Variants in RNGTT observed in about 807,000 individuals in gnomAD.
RNGTT encodes RNA guanylyltransferase and 5'-phosphatase.
In RNGTT, 33 loss-of-function variants were observed where a neutral mutation model predicts 79.3. The ratio of observed to expected loss-of-function variants is 0.42; its 90% CI spans 0.32 to 0.56. The LOEUF (loss-of-function observed/expected upper bound fraction) is 0.56. RNGTT is among the 20% of genes least tolerant of loss of function. The probability of loss-of-function intolerance (pLI) is 0.17; values close to 1 mark genes in which losing one functional copy is unlikely to be tolerated. For synonymous variants in RNGTT, 222 were observed against 235.9 expected, an observed-to-expected ratio of 0.94 and a Z score of 0.54; for missense variants, 497 against 739.1, an observed-to-expected ratio of 0.67 and a Z score of 3.80.
chr6:88,648,496 A>AT (rs1338803043), intron 14 of RNGTT, among the ~76,000 whole-genome samples: 7,578 of 117,240 alleles, frequency 0.065, 643 homozygotes, highest in African/African-American at 0.23. Context: ...AATAATAATA[A>AT]AAAATTCTAA....
intron 11 of RNGTT, among the ~76,000 whole-genome samples, chr6:88,828,942 G>C (rs1253133642): frequency 1.3e-5 from 2 of 152,062 alleles, no homozygotes; most frequent in Non-Finnish European, 1.5e-5. Context: ...AGGGAGAATG[G>C]AACCAAGATG....
At chr6:88,822,671 A>G (rs772340267) in intron 11 of RNGTT, among the ~76,000 whole-genome samples, 2 of 152,234 alleles carry the variant, frequency 1.3e-5, no homozygotes, top group Non-Finnish European at 2.9e-5. Flanking sequence ...CCGTCGTTCC[A>G]GGCATTTGCA....
At chr6:88,688,895 G>A (rs1344464483) in intron 13 of RNGTT, among the ~76,000 whole-genome samples, 1 of 152,034 alleles carries the variant, frequency 6.6e-6, no homozygotes, top group Non-Finnish European at 1.5e-5. Flanking sequence ...CTAATGAATA[G>A]CATATTTATT....
At chr6:88,863,413 G>A (rs1363411424) in intron 8 of RNGTT, among the ~76,000 whole-genome samples, 1 of 152,120 alleles carries the variant, frequency 6.6e-6, no homozygotes, top group East Asian at 1.9e-4. Context: ...TAGAAAAGTC[G>A]ACAGTCAAAA....
At chr6:88,793,022 G>A (rs1408959023) in intron 12 of RNGTT, among the ~76,000 whole-genome samples, 3 of 152,116 alleles carry the variant, frequency 2.0e-5, no homozygotes, top group Non-Finnish European at 4.4e-5. Flanking sequence ...ACTAGGATGG[G>A]TAGACATGTG....
chr6:88,829,251 C>T (rs1780769891), intron 11 of RNGTT, among the ~76,000 whole-genome samples: 1 of 152,136 alleles, frequency 6.6e-6, no homozygotes, highest in Non-Finnish European at 1.5e-5. Context: ...AATTTTCAAC[C>T]CAGAATTTCA....
intron 15 of RNGTT, among the ~76,000 whole-genome samples, chr6:88,613,251 T>C (rs1277923409): frequency 6.6e-6 from 1 of 152,232 alleles, no homozygotes; most frequent in African/African-American, 2.4e-5. Flanking sequence ...CTATAGTCCT[T>C]CAATCTTTCT....
At chr6:88,731,993 G>A (rs769108349) in intron 13 of RNGTT, among the ~76,000 whole-genome samples, 1 of 152,128 alleles carries the variant, frequency 6.6e-6, no homozygotes, top group Non-Finnish European at 1.5e-5. Context: ...CTAAGTGGAA[G>A]TGAGTCATCA....
chr6:88,887,515 A>T (rs1455574594), intron 8 of RNGTT, among the ~76,000 whole-genome samples: 1 of 152,162 alleles, frequency 6.6e-6, no homozygotes, highest in African/African-American at 2.4e-5. Flanking sequence ...AGTATCCTAA[A>T]ACAGAGTAGG....
chr6:88,866,410 C>A (rs764396977), intron 8 of RNGTT, among the ~76,000 whole-genome samples: 4 of 152,136 alleles, frequency 2.6e-5, no homozygotes, highest in Non-Finnish European at 5.9e-5. Flanking sequence ...AGTATTCATA[C>A]AGGCACTACC....
chr6:88,916,706 C>A (rs1784010719), intron 4 of RNGTT, among the ~76,000 whole-genome samples: 1 of 151,878 alleles, frequency 6.6e-6, no homozygotes, highest in African/African-American at 2.4e-5. Flanking sequence ...AAATATATGC[C>A]AAAAAAATCA....
intron 11 of RNGTT, among the ~76,000 whole-genome samples, chr6:88,838,037 C>T (rs753009369): frequency 3.3e-5 from 5 of 152,044 alleles, no homozygotes; most frequent in African/African-American, 7.2e-5. Flanking sequence ...AAAATTATTG[C>T]AAGCAATAAC....
At chr6:88,754,760 CA>C (rs1410764983) in intron 13 of RNGTT, among the ~76,000 whole-genome samples, 3 of 152,228 alleles carry the variant, frequency 2.0e-5, no homozygotes, top group African/African-American at 7.2e-5. Flanking sequence ...AAACCACAAA[CA>C]ATATCATGAG....
intron 12 of RNGTT, among the ~76,000 whole-genome samples, chr6:88,773,452 CTAAAACT>C (rs1280045565): frequency 6.7e-6 from 1 of 148,272 alleles, no homozygotes; most frequent in Non-Finnish European, 1.5e-5. Context: ...CACATGTACC[CTAAAACT>C]TAAAGTATAA....
chr6:88,825,599 A>T (rs976666821), intron 11 of RNGTT, among the ~76,000 whole-genome samples: 45 of 152,174 alleles, frequency 3.0e-4, no homozygotes, highest in East Asian at 7.7e-4. Flanking sequence ...ATATTTTTTT[A>T]AAAATGTTTA....
At chr6:88,845,420 G>A (rs990648443) in intron 10 of RNGTT, among the ~76,000 whole-genome samples, 3 of 152,146 alleles carry the variant, frequency 2.0e-5, no homozygotes, top group Non-Finnish European at 2.9e-5. Flanking sequence ...GATAAGTCTC[G>A]TCCTATCCAT....
At chr6:88,841,458 C>T (rs1257733715) in intron 11 of RNGTT, among the ~76,000 whole-genome samples, 3 of 151,948 alleles carry the variant, frequency 2.0e-5, no homozygotes, top group Non-Finnish European at 4.4e-5. Flanking sequence ...GCATATGTTG[C>T]TATATTTTTG....
chr6:88,624,486 T>C (rs558525625), intron 14 of RNGTT, among the ~76,000 whole-genome samples: 5 of 152,038 alleles, frequency 3.3e-5, no homozygotes, highest in South Asian at 2.1e-4. Context: ...GAAGAAATGA[T>C]AGTCTTTTCA....
intron 14 of RNGTT, among the ~76,000 whole-genome samples, chr6:88,652,756 C>G (rs753083845): frequency 1.3e-5 from 2 of 152,056 alleles, no homozygotes; most frequent in African/African-American, 4.8e-5. Context: ...CCAAAACAAG[C>G]GCAGGTCTGG....
Sources: allele counts gnomAD v4.1 joint callset (sites outside exome capture counted in the v4.1 genomes callset), GRCh38; gene constraint gnomAD v4.1.1; transcripts MANE v1.5; gene names NCBI Gene and HGNC (gene_info 2026-07-23, HGNC 2026-07-21).